ENTREP2: variants seen among roughly 807,000 people sequenced by gnomAD.
ENTREP2 encodes the protein protein ENTREP2.
At chr15:29,378,909 G>A in the ENTREP2 span, among the ~76,000 whole-genome samples, 3 of 152,048 alleles carry the variant, frequency 2.0e-5, no homozygotes, top group African/African-American at 7.2e-5. Context: ...TGCATCTATT[G>A]TGAATGCCTT....
the ENTREP2 span, among the ~76,000 whole-genome samples, chr15:29,202,122 G>T: frequency 2.0e-5 from 3 of 152,030 alleles, no homozygotes; most frequent in Admixed American, 6.6e-5. Flanking sequence ...GTTATATCCC[G>T]GTTTCTTCCC....
the ENTREP2 span, among the ~76,000 whole-genome samples, chr15:29,419,617 C>G: frequency 2.0e-5 from 3 of 152,254 alleles, no homozygotes; most frequent in South Asian, 6.2e-4. Context: ...TCAGTAAGCG[C>G]TGCAAAGCTA....
At chr15:29,415,734 T>G in the ENTREP2 span, among the ~76,000 whole-genome samples, 9 of 152,178 alleles carry the variant, frequency 5.9e-5, no homozygotes, top group Non-Finnish European at 2.9e-5. Flanking sequence ...ATGACATGAT[T>G]GTATATCTAG....
chr15:29,621,468 A>G, the ENTREP2 span, among the ~76,000 whole-genome samples: 2 of 134,512 alleles, frequency 1.5e-5, no homozygotes, highest in Non-Finnish European at 3.1e-5. Context: ...GCTTGCAGTG[A>G]GCCGAGATCG....
chr15:29,237,802 C>T, the ENTREP2 span, among the ~76,000 whole-genome samples: 7 of 152,090 alleles, frequency 4.6e-5, no homozygotes, highest in Non-Finnish European at 7.4e-5. Context: ...AATTCTATTC[C>T]GAGGTATTAG....
the ENTREP2 span, among the ~76,000 whole-genome samples, chr15:29,149,621 G>A: frequency 2.6e-5 from 4 of 152,188 alleles, no homozygotes; most frequent in African/African-American, 9.7e-5. Context: ...AGGACAGCAG[G>A]GCACACGCTT....
chr15:29,594,053 C>A, the ENTREP2 span, among the ~76,000 whole-genome samples: 1 of 152,014 alleles, frequency 6.6e-6, no homozygotes, highest in Non-Finnish European at 1.5e-5. Flanking sequence ...CCTTCCTGCA[C>A]ATTTTTTTTG....
At chr15:29,533,350 C>G in the ENTREP2 span, among the ~76,000 whole-genome samples, 1 of 152,094 alleles carries the variant, frequency 6.6e-6, no homozygotes, top group Non-Finnish European at 1.5e-5. Flanking sequence ...AGACTTATGA[C>G]CAGAAAGAGG....
At chr15:29,554,314 C>CA in the ENTREP2 span, among the ~76,000 whole-genome samples, 1,922 of 67,788 alleles carry the variant, frequency 0.028, 49 homozygotes, top group African/African-American at 0.088. Context: ...GACTCCGTCT[C>CA]AAAAAAAAAA....
At chr15:29,635,598 AG>A in the ENTREP2 span, among the ~76,000 whole-genome samples, 9 of 152,300 alleles carry the variant, frequency 5.9e-5, no homozygotes, top group East Asian at 1.7e-3. Context: ...AAGGCTCCCC[AG>A]GGTGCAGCCA....
the ENTREP2 span, among the ~76,000 whole-genome samples, chr15:29,151,210 G>GT: frequency 1.3e-5 from 2 of 152,188 alleles, no homozygotes; most frequent in East Asian, 3.9e-4. Flanking sequence ...GCCCCTGGGA[G>GT]TGACAGGTCT....
the ENTREP2 span, among the ~76,000 whole-genome samples, chr15:29,429,870 C>T: frequency 3.6e-4 from 55 of 152,326 alleles, no homozygotes; most frequent in African/African-American, 1.0e-3. Flanking sequence ...TTCAAGAAGC[C>T]GTTACCAAAA....
chr15:29,343,567 C>A, the ENTREP2 span, among the ~76,000 whole-genome samples: 1 of 113,616 alleles, frequency 8.8e-6, no homozygotes, highest in Non-Finnish European at 2.0e-5. Context: ...AAAAAAAAAA[C>A]CAGGCGCTCT....
the ENTREP2 span, among the ~76,000 whole-genome samples, chr15:29,475,610 G>C: frequency 6.6e-6 from 1 of 152,166 alleles, no homozygotes; most frequent in African/African-American, 2.4e-5. Flanking sequence ...CAAAAGGAAG[G>C]GGACACCAAG....
At chr15:29,618,061 T>TA in the ENTREP2 span, among the ~76,000 whole-genome samples, 1 of 152,174 alleles carries the variant, frequency 6.6e-6, no homozygotes, top group Admixed American at 6.5e-5. Context: ...ATCTCTTTCT[T>TA]AGAGTCTTAG....
the ENTREP2 span, among the ~76,000 whole-genome samples, chr15:29,224,755 GC>G: frequency 6.6e-6 from 1 of 152,234 alleles, no homozygotes; most frequent in African/African-American, 2.4e-5. Context: ...GCACCGGGCC[GC>G]AGGTGGAGCT....
At chr15:29,409,201 G>A in the ENTREP2 span, among the ~76,000 whole-genome samples, 2 of 152,016 alleles carry the variant, frequency 1.3e-5, no homozygotes, top group Non-Finnish European at 2.9e-5. Context: ...GGTAGGCAAG[G>A]GTTTTAATAC....
At chr15:29,324,983 A>T in the ENTREP2 span, among the ~76,000 whole-genome samples, 1 of 152,246 alleles carries the variant, frequency 6.6e-6, no homozygotes, top group Non-Finnish European at 1.5e-5. Flanking sequence ...CTGAAATCAT[A>T]CAAAGTATGC....
the ENTREP2 span, among the ~76,000 whole-genome samples, chr15:29,503,420 G>A: frequency 6.6e-6 from 1 of 152,150 alleles, no homozygotes; most frequent in Non-Finnish European, 1.5e-5. Context: ...GATTTGAGGT[G>A]CCAAGGGTTA....
Sources: gnomAD v4.1 joint callset for allele counts (sites outside exome capture counted in the v4.1 genomes callset) on GRCh38, gnomAD v4.1.1 for gene constraint, MANE v1.5 for transcripts, NCBI Gene and HGNC (gene_info 2026-07-23, HGNC 2026-07-21) for gene names.